Variants in ARHGEF11 observed in about 807,000 individuals in gnomAD.
ARHGEF11 encodes the protein Rho guanine exchange factor (GEF) 11.
ARHGEF11 carries 55 observed loss-of-function variants against 193.7 expected under a neutral mutation model. The ratio of observed to expected loss-of-function variants is 0.28; its 90% CI spans 0.23 to 0.36. The LOEUF (loss-of-function observed/expected upper bound fraction) is 0.36, where lower values mean the gene tolerates loss of function less well. ARHGEF11 is among the 10% of genes least tolerant of loss of function. ARHGEF11 has a pLI of 1.00. For synonymous variants in ARHGEF11, 693 were observed against 768.0 expected (o/e 0.90, Z 1.62); for missense variants, 1,723 against 2,005.6 (o/e 0.86, Z 2.69).
chr1:157,034,000 G>A (rs2103027371), intron 1 of ARHGEF11, among the ~76,000 whole-genome samples: 1 of 152,284 alleles, frequency 6.6e-6, no homozygotes, highest in South Asian at 2.1e-4. Context: ...TTGAATCCTT[G>A]ATGCCTAGCA....
At chr1:157,011,734 A>G (rs1668571308) in intron 1 of ARHGEF11, among the ~76,000 whole-genome samples, 1 of 152,230 alleles carries the variant, frequency 6.6e-6, no homozygotes, top group South Asian at 2.1e-4. Flanking sequence ...GAAGAGGCTC[A>G]ATATCATTAG....
intron 39 of ARHGEF11, 39 bp from the exon 40 acceptor site, chr1:156,937,044 C>A (rs1458496164): frequency 1.2e-6 from 2 of 1,601,420 alleles, no homozygotes; most frequent in South Asian, 2.2e-5. Flanking sequence ...TCGAGTCCTT[C>A]TATTCCTAAG....
At chr1:156,975,893 T>C (rs770751391) in intron 7 of ARHGEF11, among the ~76,000 whole-genome samples, 6 of 152,248 alleles carry the variant, frequency 3.9e-5, no homozygotes, top group Non-Finnish European at 7.3e-5. Context: ...GGTTAATTTC[T>C]GGCATGTGAA....
At chr1:156,993,334 T>C (rs1225893820) in intron 1 of ARHGEF11, among the ~76,000 whole-genome samples, 1 of 152,184 alleles carries the variant, frequency 6.6e-6, no homozygotes, top group Non-Finnish European at 1.5e-5. Context: ...CATATATACA[T>C]CACATGTGCC....
chr1:156,972,963 C>G (rs536706944), intron 7 of ARHGEF11, among the ~76,000 whole-genome samples: 3 of 152,226 alleles, frequency 2.0e-5, no homozygotes, highest in African/African-American at 7.2e-5. Context: ...AAACAAACCA[C>G]CCCAACAAAA....
chr1:157,011,126 G>A (rs545330049), intron 1 of ARHGEF11, among the ~76,000 whole-genome samples: 3 of 152,248 alleles, frequency 2.0e-5, no homozygotes, highest in South Asian at 4.2e-4. Flanking sequence ...GTCAGTATGC[G>A]ACTGGCATAA....
In ARHGEF11 at chr1:156,954,921, G is replaced by A; in HGVS notation, c.1769C>T (p.Thr590Ile). The A allele has an allele frequency of 1.2e-6, 2 of 1,606,286 alleles. No individual in the cohort carries two copies. Among genetic ancestry groups the A allele is most frequent in the Non-Finnish European group, 1.7e-6 (2 of 1,177,556 alleles). Residue 590 changes from threonine to isoleucine, a missense_variant and splice_region_variant, in exon 21 of 41, where the codon ACA becomes ATA. Coordinates refer to ENST00000368194, the MANE Select transcript of ARHGEF11 (RefSeq NM_198236.3). ...CACAGGGGACAAGGGAATATGAAAT[G>A]CTAAAAGAAAAACAAACAAAAACAA... ...IGKPKSSSQSTFHIPLSPVEV... is the reference protein window; with the variant it reads ...IGKPKSSSQSIFHIPLSPVEV...
chr1:156,992,248 T>G (rs1448592050), intron 1 of ARHGEF11, among the ~76,000 whole-genome samples: 1 of 152,238 alleles, frequency 6.6e-6, no homozygotes, highest in East Asian at 1.9e-4. Flanking sequence ...ATCCCCTTTT[T>G]GCACTTTGCT....
At chr1:156,967,906 G>C (rs1053392127) in intron 11 of ARHGEF11, 81 bp downstream of exon 11, 33 of 1,600,546 alleles carry the variant, frequency 2.1e-5, no homozygotes, top group Non-Finnish European at 2.6e-5. Context: ...GATGATCCAA[G>C]ACGATGTACT....
intron 9 of ARHGEF11, among the ~76,000 whole-genome samples, chr1:156,969,644 C>A (rs1662239208): frequency 6.6e-6 from 1 of 151,924 alleles, no homozygotes; most frequent in Non-Finnish European, 1.5e-5. Flanking sequence ...ACTAGTTTTG[C>A]TCCTCAACTC....
At chr1:157,037,874 A>G (rs1386941876) in intron 1 of ARHGEF11, among the ~76,000 whole-genome samples, 1 of 151,878 alleles carries the variant, frequency 6.6e-6, no homozygotes, top group Non-Finnish European at 1.5e-5. Flanking sequence ...TCTACTAAAA[A>G]TACAAAAAGT....
chr1:156,936,831 G>A lies in ARHGEF11; in HGVS notation c.4615C>T (p.Pro1539Ser), dbSNP rs1655480520. The part of the protein sequence containing the change: ...SDSRNSHELG[P>S]CPEDGSDAPL... ...CTTCACTCACCATCCTCAGGGCAGG[G>A]CCCCAGTTCATGGCTGTTCCTGGAG... is the stretch of plus-strand genomic sequence containing the variant. The change falls in exon 40 of 41, where the codon CCC (proline) becomes TCC (serine). Residue 1539 changes from proline to serine, a missense_variant. Pro to Ser is a moderately conservative substitution (Grantham distance 74, BLOSUM62 -1). Coordinates refer to ENST00000368194, the MANE Select transcript of ARHGEF11 (RefSeq NM_198236.3). 2 of 1,613,812 alleles carry A rather than the reference G, an allele frequency of 1.2e-6. No individual in the cohort carries two copies. The highest frequency in any genetic ancestry group is 2.7e-5 in the African/African-American group (2 of 74,890).
At position 156,978,302 on chromosome 1, in the gene ARHGEF11, G is replaced by C; in HGVS notation, c.412C>G (p.Pro138Ala). 1 of 1,614,154 alleles carries C rather than the reference G, an allele frequency of 6.2e-7. No homozygotes were observed. The highest frequency in any genetic ancestry group is 2.2e-5 in the East Asian group (1 of 44,876). The change falls in exon 6 of 41, where the codon CCA (proline) becomes GCA (alanine). Residue 138 changes from proline (P) to alanine (A), a missense_variant. By Grantham distance (27) the Pro-to-Ala change is conservative. Around this residue, in one of 5 missense-constraint regions of ARHGEF11, gnomAD observed 646 missense variants for 710.7 expected, o/e 0.91. Transcript: ENST00000368194. ...GACGTGATTCGGGGAGCTCCTGCTGGGGATGGGTCCTGCTGGAGCCCAGAG... is the reference window on the plus strand; with the variant it reads ...GACGTGATTCGGGGAGCTCCTGCTGCGGATGGGTCCTGCTGGAGCCCAGAG... ...GISGLQQDPS[P>A]AGAPRITSVI...
intron 1 of ARHGEF11, among the ~76,000 whole-genome samples, chr1:157,035,165 C>T (rs1671755614): frequency 6.6e-6 from 1 of 152,114 alleles, no homozygotes; most frequent in Non-Finnish European, 1.5e-5. Context: ...AAAGGATCTG[C>T]TTTGGGATGA....
At chr1:156,976,521 G>A (rs991230642) in intron 7 of ARHGEF11, among the ~76,000 whole-genome samples, 4 of 152,024 alleles carry the variant, frequency 2.6e-5, no homozygotes, top group Admixed American at 2.6e-4. Context: ...TACATGGATG[G>A]CTATAATAGG....
chr1:156,951,428 A>G (rs2275202), intron 22 of ARHGEF11, 145 bp downstream of exon 22: 103,156 of 1,069,910 alleles, frequency 0.096, 5,639 homozygotes, highest in Admixed American at 0.16. Context: ...TCTCCTGAAG[A>G]TACTGGGGGT....
chr1:156,946,001 A>G (rs1658034673), intron 29 of ARHGEF11, 44 bp downstream of exon 29: 3 of 1,523,700 alleles, frequency 2.0e-6, no homozygotes, highest in Non-Finnish European at 2.7e-6. Context: ...AGGGTCTGGC[A>G]CGAGGCCCAC....
chr1:156,995,670 T>C (rs1191011414), intron 1 of ARHGEF11, among the ~76,000 whole-genome samples: 2 of 150,042 alleles, frequency 1.3e-5, no homozygotes, highest in East Asian at 4.0e-4. Flanking sequence ...CAAGCAATCC[T>C]CCCACCTAAG....
At chr1:157,025,794 G>C (rs1378898378) in intron 1 of ARHGEF11, among the ~76,000 whole-genome samples, 1 of 152,086 alleles carries the variant, frequency 6.6e-6, no homozygotes, top group Admixed American at 6.6e-5. Flanking sequence ...GTGTCCTATG[G>C]GAACCCAGGC....
Sources: allele counts gnomAD v4.1 joint callset (sites outside exome capture counted in the v4.1 genomes callset), GRCh38; gene constraint gnomAD v4.1.1; regional missense constraint gnomAD v4.1.1; transcripts MANE v1.5; gene names NCBI Gene and HGNC (gene_info 2026-07-23, HGNC 2026-07-21).